ADGRL2: variants seen among roughly 807,000 people sequenced by gnomAD.
ADGRL2 encodes the protein calcium-independent alpha-latrotoxin receptor 2.
Under a neutral mutation model 157.4 loss-of-function variants are expected in ADGRL2, and 44 were observed. The ratio of observed to expected loss-of-function variants is 0.28; its 90% CI spans 0.22 to 0.36. The LOEUF is 0.36. Among genes scored for constraint, ADGRL2 ranks in the 10% least tolerant of loss-of-function variants. ADGRL2 has a pLI of 1.00. For synonymous variants in ADGRL2, 585 were observed against 624.7 expected (o/e 0.94, Z 0.95); for missense variants, 1,510 against 1,768.9 (o/e 0.85, Z 2.63).
intron 3 of ADGRL2, among the ~76,000 whole-genome samples, chr1:81,583,263 A>G (rs1456004930): frequency 2.6e-5 from 4 of 152,340 alleles, no homozygotes; most frequent in Middle Eastern, 3.4e-3. Flanking sequence ...CAATATTTCT[A>G]CTAAAACTCT....
intron 2 of ADGRL2, among the ~76,000 whole-genome samples, chr1:81,898,633 C>T (rs1286531664): frequency 1.3e-5 from 2 of 152,090 alleles, no homozygotes; most frequent in Non-Finnish European, 2.9e-5. Flanking sequence ...AGCCTTATTA[C>T]GCATCCTTGA....
chr1:81,467,449 A>C (rs2078082047), intron 2 of ADGRL2, among the ~76,000 whole-genome samples: 1 of 152,210 alleles, frequency 6.6e-6, no homozygotes, highest in Non-Finnish European at 1.5e-5. Flanking sequence ...GAAAGCCAAA[A>C]GCACTAACCA....
Position 81,969,354 on chromosome 1 carries a change from T to C in ADGRL2, c.2700T>C (p.Ile900=). 6.2e-7 allele frequency: 1 copy of C among 1,613,942 alleles called. No individual in the cohort carries two copies. Among genetic ancestry groups the C allele is most frequent in the Non-Finnish European group, 8.5e-7 (1 of 1,179,862 alleles). Residue 900 remains isoleucine, a synonymous_variant, in exon 15 of 24, where the codon ATT becomes ATC. Transcript: ENST00000686636. The part of the protein sequence containing the change: ...LCINLFIAEF[I]FLIGIDKTKY... ...TCAACCTTTTCATTGCTGAATTTAT[T>C]TTCCTAATAGGCATTGATAAGACAA...
intron 1 of ADGRL2, among the ~76,000 whole-genome samples, chr1:81,811,694 A>G (rs1186322857): frequency 6.6e-6 from 1 of 151,756 alleles, no homozygotes; most frequent in African/African-American, 2.4e-5. Flanking sequence ...ATGAAAATAG[A>G]TTTTTCATAA....
chr1:81,905,490 C>T (rs1338073216), intron 2 of ADGRL2, among the ~76,000 whole-genome samples: 1 of 152,138 alleles, frequency 6.6e-6, no homozygotes, highest in Non-Finnish European at 1.5e-5. Context: ...TGCCAATTCC[C>T]AAATAGGTTT....
At chr1:81,466,819 A>G (rs539473538) in intron 2 of ADGRL2, among the ~76,000 whole-genome samples, 1 of 152,304 alleles carries the variant, frequency 6.6e-6, no homozygotes, top group Non-Finnish European at 1.5e-5. Flanking sequence ...AGTCAATTAA[A>G]CCACATTGTT....
chr1:81,650,017 G>A (rs56238556), intron 3 of ADGRL2, among the ~76,000 whole-genome samples: 53,674 of 151,180 alleles, frequency 0.36, 9,649 homozygotes, highest in Non-Finnish European at 0.36. Flanking sequence ...CAAGTTTGTG[G>A]GGTTATTTGT....
chr1:81,611,739 C>T (rs72937204), intron 3 of ADGRL2, among the ~76,000 whole-genome samples: 3,869 of 152,198 alleles, frequency 0.025, 155 homozygotes, highest in African/African-American at 0.088. Context: ...GTTTCCTAGG[C>T]CTTACCCTAG....
At chr1:81,890,672 C>T (rs780632003) in intron 2 of ADGRL2, among the ~76,000 whole-genome samples, 1 of 152,090 alleles carries the variant, frequency 6.6e-6, no homozygotes, top group Non-Finnish European at 1.5e-5. Context: ...GCACACATCA[C>T]GCAGGGGAAA....
intron 3 of ADGRL2, among the ~76,000 whole-genome samples, chr1:81,654,319 C>G (rs1490407982): frequency 1.3e-5 from 2 of 152,142 alleles, no homozygotes; most frequent in Admixed American, 6.6e-5. Context: ...AGCCTCGAAA[C>G]CTTGAGTCAT....
Position 81,861,014 on chromosome 1 carries a change from C to CTTT in ADGRL2, c.73+23974_73+23976dup, listed in dbSNP as rs36062412. ...TTAGGATATGTACATATTTCACTGA[C>CTTT]TTTTTTTTTTTTTTTTTTTGAGGTG... On this transcript the variant is annotated intron_variant, in intron 2 of 23. Coordinates refer to ENST00000686636, the MANE Select transcript of ADGRL2 (RefSeq NM_001366006.2). Among the ~76,000 whole-genome samples the CTTT allele has an allele frequency of 1.9e-4, 23 of 118,490 alleles. 1 individual carries two copies. Among genetic ancestry groups the CTTT allele is most frequent in the South Asian group, 5.7e-4 (2 of 3,510 alleles). The allele number at this position is 118,490 out of a possible 152,430, so 77.7% of individuals were successfully genotyped here.
intron 1 of ADGRL2, among the ~76,000 whole-genome samples, chr1:81,370,848 G>A (rs1367780135): frequency 6.6e-6 from 1 of 152,048 alleles, no homozygotes; most frequent in African/African-American, 2.4e-5. Context: ...AAAGAATTAA[G>A]TTACACTAAG....
At chr1:81,559,181 G>C (rs1334827954) in intron 2 of ADGRL2, among the ~76,000 whole-genome samples, 2 of 152,072 alleles carry the variant, frequency 1.3e-5, no homozygotes, top group Non-Finnish European at 2.9e-5. Context: ...TAGCCTCTCT[G>C]AACTTCCTTT....
At chr1:81,470,994 C>T (rs975784595) in intron 2 of ADGRL2, among the ~76,000 whole-genome samples, 2 of 152,196 alleles carry the variant, frequency 1.3e-5, no homozygotes, top group African/African-American at 2.4e-5. Context: ...GTAACCCTCA[C>T]AAATAATTTA....
intron 2 of ADGRL2, among the ~76,000 whole-genome samples, chr1:81,772,249 CAAA>C (rs769058340): frequency 3.2e-5 from 3 of 95,122 alleles, no homozygotes; most frequent in Non-Finnish European, 2.1e-5. Flanking sequence ...GACTCTATCT[CAAA>C]AAAAAAAAAA....
At chr1:81,368,294 T>C (rs1400361472) in intron 1 of ADGRL2, among the ~76,000 whole-genome samples, 3 of 152,226 alleles carry the variant, frequency 2.0e-5, no homozygotes, top group African/African-American at 7.2e-5. Context: ...GTTGATCTTT[T>C]TATCATATGT....
At chr1:81,336,108 A>C (rs577657892) in intron 1 of ADGRL2, among the ~76,000 whole-genome samples, 9 of 152,270 alleles carry the variant, frequency 5.9e-5, no homozygotes, top group African/African-American at 1.9e-4. Flanking sequence ...CATTCTTCTC[A>C]TTCCTGATTA....
chr1:81,584,749 C>T (rs1467666279), intron 3 of ADGRL2, among the ~76,000 whole-genome samples: 3 of 152,044 alleles, frequency 2.0e-5, no homozygotes, highest in Non-Finnish European at 4.4e-5. Flanking sequence ...ATAAAAGGGA[C>T]GTAGTTTCTA....
upstream of ADGRL2, among the ~76,000 whole-genome samples, chr1:81,798,316 G>A (rs1430947007): frequency 2.0e-5 from 3 of 151,962 alleles, no homozygotes; most frequent in African/African-American, 7.2e-5. Context: ...CTTGAATCTA[G>A]CAATATAATT....
Sources: gnomAD v4.1 joint callset for allele counts (sites outside exome capture counted in the v4.1 genomes callset) on GRCh38, gnomAD v4.1.1 for gene constraint, MANE v1.5 for transcripts, NCBI Gene and HGNC (gene_info 2026-07-23, HGNC 2026-07-21) for gene names.